ARHGAP22: variants seen among roughly 807,000 people sequenced by gnomAD.
ARHGAP22 encodes the protein rho GTPase-activating protein 22.
Under a neutral mutation model 59.1 loss-of-function variants are expected in ARHGAP22, and 48 were observed. The observed-to-expected ratio is 0.81, with a 90% CI of 0.64 to 1.03. The LOEUF is 1.03. ARHGAP22 is among the 50% of genes least tolerant of loss of function. The probability of loss-of-function intolerance (pLI) is 0.00; values close to 1 mark genes in which losing one functional copy is unlikely to be tolerated. For missense variants in ARHGAP22, 1,015 were observed against 958.7 expected (o/e 1.06, Z -0.78); for synonymous variants, 445 against 416.4 (o/e 1.07, Z -0.84).
intron 8 of ARHGAP22, among the ~76,000 whole-genome samples, chr10:48,452,953 G>A (rs2046127439): frequency 6.6e-6 from 1 of 152,204 alleles, no homozygotes; most frequent in Non-Finnish European, 1.5e-5. Flanking sequence ...TTGCTTAATT[G>A]TAAAAGAAAA....
the ARHGAP22 span, among the ~76,000 whole-genome samples, chr10:48,431,484 T>G: frequency 6.6e-6 from 1 of 152,230 alleles, no homozygotes; most frequent in Non-Finnish European, 1.5e-5. Context: ...TCTATGATAC[T>G]GACATTCTGA....
At chr10:48,568,655 C>T (rs2058203994) in intron 2 of ARHGAP22, among the ~76,000 whole-genome samples, 1 of 152,226 alleles carries the variant, frequency 6.6e-6, no homozygotes, top group Non-Finnish European at 1.5e-5. Flanking sequence ...GACTGCTGCA[C>T]CATTGTGATG....
At chr10:48,619,321 T>C (rs1415170411) in intron 1 of ARHGAP22, among the ~76,000 whole-genome samples, 1 of 152,154 alleles carries the variant, frequency 6.6e-6, no homozygotes, top group Non-Finnish European at 1.5e-5. Context: ...AATGACATTC[T>C]TCATAGAAAT....
intron 1 of ARHGAP22, among the ~76,000 whole-genome samples, chr10:48,596,923 T>C (rs1256408194): frequency 1.3e-5 from 2 of 152,136 alleles, no homozygotes; most frequent in Non-Finnish European, 2.9e-5. Context: ...AGCTGACAGG[T>C]CCCGCATGGG....
At chr10:48,443,444 A>C (rs1457523814), downstream of ARHGAP22, among the ~76,000 whole-genome samples, 1 of 151,810 alleles carries the variant, frequency 6.6e-6, no homozygotes, top group Non-Finnish European at 1.5e-5. Context: ...ACATTGTGAG[A>C]CCCCTGTGCT....
At chr10:48,447,696 A>G (rs2045501435) in intron 9 of ARHGAP22, among the ~76,000 whole-genome samples, 1 of 151,862 alleles carries the variant, frequency 6.6e-6, no homozygotes, top group Non-Finnish European at 1.5e-5. Flanking sequence ...AGCCCCAACT[A>G]CACGCTGATG....
intron 3 of ARHGAP22, among the ~76,000 whole-genome samples, chr10:48,483,914 C>T (rs1035739880): frequency 6.6e-6 from 1 of 152,192 alleles, no homozygotes; most frequent in African/African-American, 2.4e-5. Flanking sequence ...GTTTTTGTTG[C>T]CTGTGCTTTA....
chr10:48,519,552 T>C (rs2053612664), intron 3 of ARHGAP22, among the ~76,000 whole-genome samples: 1 of 152,214 alleles, frequency 6.6e-6, no homozygotes, highest in Admixed American at 6.5e-5. Flanking sequence ...ACTCTGCTCT[T>C]GCTACTGTTC....
intron 3 of ARHGAP22, among the ~76,000 whole-genome samples, chr10:48,505,415 C>T (rs2052003973): frequency 6.6e-6 from 1 of 152,168 alleles, no homozygotes; most frequent in South Asian, 2.1e-4. Flanking sequence ...CATCCCACTC[C>T]CCTAATCCAT....
chr10:48,620,607 C>T (rs2061251283), intron 1 of ARHGAP22, among the ~76,000 whole-genome samples: 1 of 152,212 alleles, frequency 6.6e-6, no homozygotes, highest in African/African-American at 2.4e-5. Context: ...CCTCCCAAAG[C>T]TCTGACTATA....
At chr10:48,520,920 T>A (rs993838400) in intron 3 of ARHGAP22, among the ~76,000 whole-genome samples, 3 of 152,122 alleles carry the variant, frequency 2.0e-5, no homozygotes, top group African/African-American at 7.2e-5. Flanking sequence ...CATGCTGTGC[T>A]CCAGTACCAC....
At chr10:48,504,445 G>T (rs371888174) in intron 3 of ARHGAP22, among the ~76,000 whole-genome samples, 314 of 152,310 alleles carry the variant, frequency 2.1e-3, no homozygotes, top group African/African-American at 7.1e-3. Flanking sequence ...CAAAGGACAG[G>T]GAGCCAACCA....
At chr10:48,541,463 G>A (rs1157166718) in intron 3 of ARHGAP22, among the ~76,000 whole-genome samples, 3 of 152,192 alleles carry the variant, frequency 2.0e-5, no homozygotes, top group African/African-American at 7.2e-5. Context: ...ACAGAACCGT[G>A]GTGCCCAGCA....
At chr10:48,513,355 C>T (rs761562520) in intron 3 of ARHGAP22, among the ~76,000 whole-genome samples, 11 of 152,182 alleles carry the variant, frequency 7.2e-5, no homozygotes, top group African/African-American at 1.7e-4. Flanking sequence ...GGAGGAAAGA[C>T]GTGAGAGGGC....
At chr10:48,599,529 CT>C (rs1013891286) in intron 1 of ARHGAP22, among the ~76,000 whole-genome samples, 13 of 152,250 alleles carry the variant, frequency 8.5e-5, no homozygotes, top group African/African-American at 3.1e-4. Context: ...AATAGCCAAT[CT>C]TTTTTCCCAG....
At chr10:48,652,528 A>G (rs1303046638) in exon 1 of ARHGAP22, 1 of 560,456 alleles carries the variant, frequency 1.8e-6, no homozygotes, top group Non-Finnish European at 3.2e-6. Context: ...GCCTTGAGAA[A>G]GTCACGGGGT....
intron 3 of ARHGAP22, among the ~76,000 whole-genome samples, chr10:48,514,057 A>T (rs1231527382): frequency 1.3e-5 from 2 of 152,034 alleles, no homozygotes; most frequent in Non-Finnish European, 2.9e-5. Context: ...GAGCTTATAG[A>T]AGAAAAAAAA....
chr10:48,591,353 C>T (rs2059741455), intron 1 of ARHGAP22, among the ~76,000 whole-genome samples: 1 of 152,184 alleles, frequency 6.6e-6, no homozygotes, highest in Admixed American at 6.5e-5. Flanking sequence ...CCCCGAGGCA[C>T]AGGGCCAGCA....
At chr10:48,462,533 C>A (rs2047248123) in intron 4 of ARHGAP22, among the ~76,000 whole-genome samples, 3 of 152,196 alleles carry the variant, frequency 2.0e-5, no homozygotes. Context: ...CAGTCTGGCT[C>A]CAGGTATAGG....
Sources: allele counts gnomAD v4.1 joint callset (sites outside exome capture counted in the v4.1 genomes callset), GRCh38; gene constraint gnomAD v4.1.1; transcripts MANE v1.5; gene names NCBI Gene and HGNC (gene_info 2026-07-23, HGNC 2026-07-21).